Variants in TRPM5 observed in about 807,000 individuals in gnomAD.
TRPM5 encodes the protein transient receptor potential cation channel subfamily M member 5.
A neutral mutation model predicts 124.9 loss-of-function variants in TRPM5; 121 were observed. The ratio of observed to expected loss-of-function variants is 0.97; its 90% CI spans 0.84 to 1.13. TRPM5 has a LOEUF of 1.13. Among genes scored for constraint, TRPM5 ranks in the 50% most tolerant of loss-of-function variants. The pLI, the probability that TRPM5 is intolerant of heterozygous loss-of-function variation, is 0.00. For missense variants in TRPM5, 1,643 were observed against 1,589.1 expected (o/e 1.03, Z -0.58); for synonymous variants, 781 against 700.5 (o/e 1.11, Z -1.81).
At chr11:2,432,352 T>C in the TRPM5 span, among the ~76,000 whole-genome samples, 1 of 152,170 alleles carries the variant, frequency 6.6e-6, no homozygotes, top group Non-Finnish European at 1.5e-5. Context: ...GCCACGCCAG[T>C]AGAGCAGGAC....
At chr11:2,433,151 C>T in the TRPM5 span, among the ~76,000 whole-genome samples, 1 of 152,262 alleles carries the variant, frequency 6.6e-6, no homozygotes, top group East Asian at 1.9e-4. Flanking sequence ...GCAACCTTGA[C>T]CCCATCACAA....
chr11:2,405,532 G>A, exon 23 of TRPM5: 3 of 1,559,750 alleles, frequency 1.9e-6, no homozygotes, highest in Non-Finnish European at 1.7e-6. Context: ...CTTACTCCGG[G>A]GGCCGCCACC....
intron 13 of TRPM5, 103 bp from the exon 19 acceptor site, chr11:2,413,329 T>C: frequency 7.5e-7 from 1 of 1,326,206 alleles, no homozygotes; most frequent in South Asian, 1.5e-5. Context: ...ATGCAGGGGC[T>C]GTGGGGAGTG....
the TRPM5 span, among the ~76,000 whole-genome samples, chr11:2,440,569 T>G: frequency 1.8e-4 from 27 of 151,994 alleles, 1 homozygote; most frequent in Non-Finnish European, 5.9e-5. The surrounding 1 kb of genome is among the most constrained non-coding windows in gnomAD (Gnocchi z 5.2). Flanking sequence ...AAGGGCCTGC[T>G]CCAGGGTCTC....
At chr11:2,406,600 T>C (rs1850327311) in intron 21 of TRPM5, 61 bp downstream of exon 26, 2 of 1,538,660 alleles carry the variant, frequency 1.3e-6, no homozygotes, top group Non-Finnish European at 1.8e-6. Flanking sequence ...CTGGCGCCAA[T>C]GGCACATCCC....
At chr11:2,415,129 T>C in exon 9 of TRPM5, 1 of 1,569,044 alleles carries the variant, frequency 6.4e-7, no homozygotes, top group Non-Finnish European at 8.6e-7. Flanking sequence ...ACCGCCCTCC[T>C]GCGGTCCCCT....
chr11:2,421,268 A>C (rs1426039404), intron 2 of TRPM5, 70 bp from the exon 8 acceptor site: 1 of 1,485,420 alleles, frequency 6.7e-7, no homozygotes, highest in Non-Finnish European at 8.9e-7. Context: ...CCACGCCCTA[A>C]CCCCTAGGCC....
chr11:2,407,808 G>A (rs749696888), exon 19 of TRPM5: 67 of 1,613,846 alleles, frequency 4.2e-5, no homozygotes, highest in Non-Finnish European at 5.3e-5. Flanking sequence ...GTGACCAACA[G>A]GAAGGTGACC....
chr11:2,406,229 G>C, intron 21 of TRPM5, 138 bp from the exon 27 acceptor site: 1 of 882,634 alleles, frequency 1.1e-6, no homozygotes, highest in Admixed American at 2.0e-5. Flanking sequence ...CTCATGCCCA[G>C]ATCTGGTGGC....
intron 4 of TRPM5, 75 bp downstream of exon 9, chr11:2,420,141 TCACCCC>T: frequency 1.4e-6 from 2 of 1,477,324 alleles, no homozygotes; most frequent in Non-Finnish European, 1.8e-6. Context: ...TCCCTGGCGG[TCACCCC>T]CACTCTCCCA....
intron 18 of TRPM5, chr11:2,410,627 A>G (rs988771298): frequency 2.2e-6 from 1 of 447,242 alleles, no homozygotes; most frequent in Non-Finnish European, 4.5e-6. Context: ...ACCCATCACT[A>G]CAGAGGCCCC....
At chr11:2,412,888 T>C in exon 15 of TRPM5, 1 of 1,597,602 alleles carries the variant, frequency 6.3e-7, no homozygotes, top group Non-Finnish European at 8.5e-7. Context: ...GCGAAGTACA[T>C]GACCACGTTC....
At chr11:2,407,673 T>G in intron 19 of TRPM5, 86 bp downstream of exon 24, 3 of 1,514,012 alleles carry the variant, frequency 2.0e-6, no homozygotes, top group Non-Finnish European at 2.7e-6. Flanking sequence ...GCACACCAGG[T>G]GGGTTGCAAA....
Position 2,407,744 on chromosome 11 carries a change from G to C in TRPM5, c.2936+15C>G. On this transcript the variant is annotated intron_variant, in intron 19 of 23. Transcript: ENST00000155858. ...CGCTCCAGGGCTCTCTCCTCCAGGG[G>C]TTGGGTGGAGTCACCTGAACATGGC... 1.9e-6 allele frequency: 3 copies of C among 1,612,750 alleles called. No individual in the cohort carries two copies. In the South Asian group the frequency reaches 3.3e-5, roughly 18 times the overall value.
intron 4 of TRPM5, 86 bp downstream of exon 9, chr11:2,420,136 G>T: frequency 1.4e-6 from 2 of 1,460,848 alleles, no homozygotes; most frequent in South Asian, 2.6e-5. Context: ...CCTTCTCCCT[G>T]GCGGTCACCC....
intron 18 of TRPM5, 51 bp downstream of exon 23, chr11:2,411,301 C>T (rs758922594): frequency 7.4e-6 from 11 of 1,493,898 alleles, no homozygotes; most frequent in Middle Eastern, 1.8e-4. Flanking sequence ...GGCTTGTGCA[C>T]ACAGGGCTCC....
At chr11:2,425,841 A>G (rs1374284648), upstream of TRPM5, among the ~76,000 whole-genome samples, 1 of 152,088 alleles carries the variant, frequency 6.6e-6, no homozygotes, top group African/African-American at 2.4e-5. Context: ...GCTGGACAAC[A>G]CTGTTATCCT....
chr11:2,420,353 A>T (rs1565014551), exon 4 of TRPM5: 3 of 1,612,726 alleles, frequency 1.9e-6, no homozygotes, highest in Non-Finnish European at 2.5e-6. Context: ...CAGTGAACAG[A>T]GGGGGCCCTG....
intron 15 of TRPM5, among the ~76,000 whole-genome samples, 173 bp from the exon 21 acceptor site, chr11:2,412,426 A>T (rs939934646): frequency 1.3e-5 from 2 of 152,032 alleles, no homozygotes; most frequent in Non-Finnish European, 2.9e-5. Context: ...CTGGGGACAG[A>T]AGGTGAGGTC....
Sources: allele counts gnomAD v4.1 joint callset (sites outside exome capture counted in the v4.1 genomes callset), GRCh38; gene constraint gnomAD v4.1.1; non-coding constraint Gnocchi (gnomAD v3.1); transcripts MANE v1.5; gene names NCBI Gene and HGNC (gene_info 2026-07-23, HGNC 2026-07-21).